Variants in APBB2 observed in about 807,000 individuals in gnomAD.
APBB2 encodes the protein Fe65-like 1.
APBB2 carries 38 observed loss-of-function variants against 82.5 expected under a neutral mutation model. The observed-to-expected ratio is 0.46, with a 90% CI of 0.36 to 0.60. The LOEUF (loss-of-function observed/expected upper bound fraction) is 0.60. APBB2 is among the 20% of genes least tolerant of loss of function. The pLI, the probability that APBB2 is intolerant of heterozygous loss-of-function variation, is 0.00. For synonymous variants in APBB2, 341 were observed against 368.2 expected, an observed-to-expected ratio of 0.93 and a Z score of 0.85; for missense variants, 772 against 972.3, an observed-to-expected ratio of 0.79 and a Z score of 2.74.
intron 13 of APBB2, among the ~76,000 whole-genome samples, chr4:40,827,567 A>G (rs1207131196): frequency 2.0e-5 from 3 of 152,174 alleles, no homozygotes; most frequent in Non-Finnish European, 2.9e-5. Flanking sequence ...AGCGGCAGCC[A>G]CAGCAGTGGC....
At position 40,824,512 on chromosome 4, in the gene APBB2, G is replaced by C. The variant is rs570693779; in HGVS notation, c.1817-753C>G. On this transcript the variant is annotated intron_variant, in intron 15 of 17. Coordinates refer to ENST00000508593, the MANE Select transcript of APBB2 (RefSeq NM_004307.2). ...CCATCATCAATTTTTTTTTGAGACA[G>C]GGTGTTGCTCTGTCACCCAGGCTGG... 2.0e-5 allele frequency among the ~76,000 whole-genome samples: 3 copies of C among 152,200 alleles called. No homozygotes were observed. The East Asian group carries it at 5.8e-4, about 29-fold the overall frequency.
intron 3 of APBB2, among the ~76,000 whole-genome samples, chr4:41,092,703 A>G (rs1477619470): frequency 6.6e-6 from 1 of 152,082 alleles, no homozygotes; most frequent in East Asian, 1.9e-4. Flanking sequence ...AAAAAAAAAA[A>G]AAGTACTTGG....
At chr4:40,849,626 A>G (rs1185208252) in intron 12 of APBB2, among the ~76,000 whole-genome samples, 2 of 151,796 alleles carry the variant, frequency 1.3e-5, no homozygotes, top group Admixed American at 6.6e-5. Context: ...CCCACAAAGC[A>G]TTCCTCCCAC....
chr4:40,817,800 A>T (rs1746316387), intron 17 of APBB2, among the ~76,000 whole-genome samples: 1 of 152,210 alleles, frequency 6.6e-6, no homozygotes, highest in African/African-American at 2.4e-5. Flanking sequence ...CCCTTAGGCC[A>T]CAAAACAACC....
intron 6 of APBB2, among the ~76,000 whole-genome samples, chr4:41,005,397 G>GTTT (rs140092835): frequency 4.5e-4 from 68 of 149,748 alleles, no homozygotes; most frequent in Admixed American, 2.2e-3. Flanking sequence ...CAACTTAAGG[G>GTTT]TTTTTTTTTT....
chr4:41,034,867 C>T (rs567707015), intron 4 of APBB2, among the ~76,000 whole-genome samples: 6 of 152,224 alleles, frequency 3.9e-5, no homozygotes, highest in Non-Finnish European at 7.4e-5. Flanking sequence ...GAAAATAGAC[C>T]TTATTTTCAA....
chr4:40,892,906 C>A (rs751216184), intron 11 of APBB2: 10 of 180,884 alleles, frequency 5.5e-5, no homozygotes, highest in African/African-American at 1.9e-4. Flanking sequence ...TGGAAGTCAC[C>A]TTCCCCTTTG....
chr4:41,194,785 A>T, intron 1 of APBB2, among the ~76,000 whole-genome samples: 1 of 152,244 alleles, frequency 6.6e-6, no homozygotes, highest in African/African-American at 2.4e-5. Flanking sequence ...CTGAATACTT[A>T]AAACAATTCT....
intron 12 of APBB2, among the ~76,000 whole-genome samples, chr4:40,870,399 C>T (rs1187968806): frequency 6.6e-6 from 1 of 152,170 alleles, no homozygotes; most frequent in Non-Finnish European, 1.5e-5. Context: ...ATCGGGGTTC[C>T]AAAGCTTCCA....
At chr4:41,185,542 A>G (rs1772668177) in intron 1 of APBB2, among the ~76,000 whole-genome samples, 1 of 152,224 alleles carries the variant, frequency 6.6e-6, no homozygotes, top group South Asian at 2.1e-4. Context: ...TGCTCTGCAC[A>G]TTATCATTAT....
chr4:41,191,945 T>C (rs558168000), intron 1 of APBB2, among the ~76,000 whole-genome samples: 1 of 149,152 alleles, frequency 6.7e-6, no homozygotes, highest in Non-Finnish European at 1.5e-5. Flanking sequence ...GAAAAATAAA[T>C]AACCTGATAA....
intron 10 of APBB2, among the ~76,000 whole-genome samples, chr4:40,910,400 G>A (rs1778232970): frequency 2.0e-5 from 3 of 151,928 alleles, no homozygotes; most frequent in Non-Finnish European, 4.4e-5. Context: ...TACCATACCC[G>A]GCTAATTTTT....
intron 17 of APBB2, 63 bp from the exon 18 acceptor site, chr4:40,816,322 CT>C (rs1745629565): frequency 1.9e-6 from 3 of 1,564,796 alleles, no homozygotes; most frequent in African/African-American, 1.4e-5. Context: ...TTTAATATGA[CT>C]TTAAGTCATG....
chr4:40,823,343 C>T (rs769773905), intron 16 of APBB2, among the ~76,000 whole-genome samples: 2 of 152,292 alleles, frequency 1.3e-5, no homozygotes, highest in African/African-American at 2.4e-5. Flanking sequence ...GCAATACTGG[C>T]GCCCTGAGAG....
chr4:41,167,652 G>A (rs1221488082), intron 1 of APBB2, among the ~76,000 whole-genome samples: 1 of 152,186 alleles, frequency 6.6e-6, no homozygotes, highest in East Asian at 1.9e-4. Context: ...TATGGATTCA[G>A]AGAGCCACCA....
intron 6 of APBB2, among the ~76,000 whole-genome samples, chr4:40,965,763 C>T (rs2154395859): frequency 6.6e-6 from 1 of 152,190 alleles, no homozygotes; most frequent in South Asian, 2.1e-4. Context: ...TCCAGTGAGC[C>T]AGAGGTTCAA....
rs562336644 is a variant in APBB2, at chr4:41,112,167, A to G, written c.-260-11417T>C. On this transcript the variant is annotated intron_variant, in intron 2 of 17. Coordinates refer to ENST00000508593, the MANE Select transcript of APBB2 (RefSeq NM_004307.2). ...CTTGGAGAAACCCCACCTCCAAAGCAGAATGAGGAGAGATCATTAGGAAAA... is the reference window on the plus strand; with the variant it reads ...CTTGGAGAAACCCCACCTCCAAAGCGGAATGAGGAGAGATCATTAGGAAAA... 6.6e-5 allele frequency among the ~76,000 whole-genome samples: 10 copies of G among 152,390 alleles called. No individual in the cohort carries two copies. In the East Asian group the frequency reaches 1.3e-3, roughly 21 times the overall value.
intron 1 of APBB2, among the ~76,000 whole-genome samples, chr4:41,160,038 A>AAGAAGAAGAAGAAG (rs1247891414): frequency 4.1e-5 from 5 of 123,136 alleles, no homozygotes; most frequent in African/African-American, 1.7e-4. Context: ...AGAAGAAGAA[A>AAGAAGAAGAAGAAG]ACATCACAGG....
chr4:41,029,760 GA>G (rs1715950021), intron 5 of APBB2, among the ~76,000 whole-genome samples: 1 of 152,190 alleles, frequency 6.6e-6, no homozygotes. Flanking sequence ...AGATTTGGCA[GA>G]AAATCAGATT....
Sources: allele counts gnomAD v4.1 joint callset (sites outside exome capture counted in the v4.1 genomes callset), GRCh38; gene constraint gnomAD v4.1.1; transcripts MANE v1.5; gene names NCBI Gene and HGNC (gene_info 2026-07-23, HGNC 2026-07-21).